The following LRRIQ3 variants were observed in gnomAD, a reference collection of about 807,000 sequenced individuals.
LRRIQ3 encodes leucine-rich repeat and IQ domain-containing protein 3.
A neutral mutation model predicts 59.3 loss-of-function variants in LRRIQ3; 75 were observed. That is an observed-to-expected ratio of 1.26 (90% CI 1.05 to 1.53). The LOEUF is 1.53. LRRIQ3 is among the 40% of genes most tolerant of loss of function. The pLI, the probability that LRRIQ3 is intolerant of heterozygous loss-of-function variation, is 0.00. For missense variants in LRRIQ3, 831 were observed against 710.0 expected (o/e 1.17, Z -1.94); for synonymous variants, 250 against 231.3 (o/e 1.08, Z -0.73).
chr1:74,062,709 A>G (rs1654758549), intron 6 of LRRIQ3, among the ~76,000 whole-genome samples: 1 of 152,146 alleles, frequency 6.6e-6, no homozygotes, highest in African/African-American at 2.4e-5. Context: ...GCTGTAGGCC[A>G]TTATCCTCAG....
chr1:74,181,069 C>G (rs945395862), intron 3 of LRRIQ3: 4 of 387,048 alleles, frequency 1.0e-5, no homozygotes, highest in African/African-American at 6.1e-5. Context: ...CCCAGACAGT[C>G]CTTTTCATAT....
At chr1:74,036,151 C>A (rs922692048) in intron 7 of LRRIQ3, among the ~76,000 whole-genome samples, 1 of 152,022 alleles carries the variant, frequency 6.6e-6, no homozygotes, top group Non-Finnish European at 1.5e-5. Flanking sequence ...AAATGCTGCC[C>A]CCAAATATGG....
chr1:74,031,932 G>A (rs1286910400), intron 7 of LRRIQ3, among the ~76,000 whole-genome samples: 1 of 151,718 alleles, frequency 6.6e-6, no homozygotes, highest in African/African-American at 2.4e-5. Context: ...ATAAAAGATA[G>A]GCAAGGTCTA....
chr1:74,172,160 T>A (rs985090059), intron 3 of LRRIQ3, among the ~76,000 whole-genome samples: 1 of 152,104 alleles, frequency 6.6e-6, no homozygotes, highest in Non-Finnish European at 1.5e-5. Context: ...GTTTGTTAAT[T>A]TTTCTAGTTC....
intron 6 of LRRIQ3, 71 bp from the exon 7 acceptor site, chr1:74,042,004 A>G: frequency 7.3e-7 from 1 of 1,370,488 alleles, no homozygotes; most frequent in Non-Finnish European, 9.5e-7. Context: ...CTCCAAATAT[A>G]TCAATAAACT....
chr1:74,143,054 A>G (rs1419626374), intron 4 of LRRIQ3, among the ~76,000 whole-genome samples: 1 of 152,016 alleles, frequency 6.6e-6, no homozygotes, highest in Non-Finnish European at 1.5e-5. Context: ...ACTAATATAA[A>G]CATCTATTTT....
chr1:74,067,313 A>G (rs927129739), intron 6 of LRRIQ3, among the ~76,000 whole-genome samples: 3 of 152,036 alleles, frequency 2.0e-5, no homozygotes, highest in African/African-American at 7.2e-5. Flanking sequence ...GGAAGTACAC[A>G]CTCTGTGAAC....
chr1:74,123,644 C>T lies in LRRIQ3; in HGVS notation c.708-14091G>A, dbSNP rs573467234. Among the ~76,000 whole-genome samples the T allele has an allele frequency of 9.9e-5, 15 of 152,126 alleles. No homozygotes were observed. In the South Asian group the frequency reaches 1.2e-3, roughly 13 times the overall value. On this transcript the variant is annotated intron_variant, in intron 4 of 7. Transcript: ENST00000354431. Reference sequence around the variant, plus strand: ...CAAATGACAGGATCTCATTCTTTTTCTGTGGCTGAATAGTATTTCATTGTG... The same window carrying T: ...CAAATGACAGGATCTCATTCTTTTTTTGTGGCTGAATAGTATTTCATTGTG...
At chr1:74,181,027 T>C (rs1649945309) in intron 3 of LRRIQ3, 1 of 476,468 alleles carries the variant, frequency 2.1e-6, no homozygotes, top group Non-Finnish European at 3.8e-6. Context: ...ACAAGAATTT[T>C]GTCAGTATTA....
At chr1:74,087,714 G>A (rs1219585917) in intron 5 of LRRIQ3, among the ~76,000 whole-genome samples, 1 of 152,030 alleles carries the variant, frequency 6.6e-6, no homozygotes. Context: ...TTAAGTATAT[G>A]AGCAAAACTG....
At chr1:74,100,046 G>T (rs1382550952) in intron 5 of LRRIQ3, among the ~76,000 whole-genome samples, 4 of 152,140 alleles carry the variant, frequency 2.6e-5, no homozygotes, top group Non-Finnish European at 4.4e-5. Flanking sequence ...AGTGTTGGAA[G>T]TTCTGGCCAG....
At chr1:74,033,636 A>G (rs1184162542) in intron 7 of LRRIQ3, among the ~76,000 whole-genome samples, 1 of 152,014 alleles carries the variant, frequency 6.6e-6, no homozygotes, top group African/African-American at 2.4e-5. Flanking sequence ...GTGTCCAAAA[A>G]TGTTGATATT....
chr1:74,118,821 A>T (rs1231244088), intron 4 of LRRIQ3, among the ~76,000 whole-genome samples: 2 of 152,140 alleles, frequency 1.3e-5, no homozygotes, highest in Non-Finnish European at 2.9e-5. Flanking sequence ...TCTCAATTCC[A>T]ACTCTGCAGT....
chr1:74,133,194 T>C (rs1412942735), intron 4 of LRRIQ3, among the ~76,000 whole-genome samples: 3 of 152,032 alleles, frequency 2.0e-5, no homozygotes, highest in African/African-American at 7.3e-5. Flanking sequence ...ATGGCAATCA[T>C]TAAAAAGTCA....
intron 7 of LRRIQ3, among the ~76,000 whole-genome samples, chr1:74,033,336 A>C (rs913949851): frequency 1.4e-4 from 21 of 151,984 alleles, no homozygotes; most frequent in Admixed American, 7.9e-4. Flanking sequence ...AATGGACAAA[A>C]TAATAATTGA....
At chr1:74,182,985 CA>C in intron 2 of LRRIQ3, 124 bp from the exon 3 acceptor site, 1 of 543,934 alleles carries the variant, frequency 1.8e-6, no homozygotes, top group Non-Finnish European at 3.1e-6. Context: ...AATTAATAAG[CA>C]AACAGAGTAT....
At chr1:74,157,364 G>A (rs187131295) in intron 3 of LRRIQ3, among the ~76,000 whole-genome samples, 2 of 152,076 alleles carry the variant, frequency 1.3e-5, no homozygotes, top group African/African-American at 4.8e-5. Context: ...GTCTAAGATT[G>A]GCACTCTATT....
At position 74,026,176 on chromosome 1, in the gene LRRIQ3, C is replaced by T. The variant is rs578113837; in HGVS notation, c.*637G>A. The T allele has an allele frequency of 1.3e-5, 2 of 151,988 alleles. No homozygotes were observed. The highest frequency in any genetic ancestry group is 4.1e-4 in the South Asian group (2 of 4,828). 9.4% of individuals were successfully genotyped at this position (151,988 alleles called of 1,614,324 possible). ...CTCTCCTCTGTCTTTTCCCTGTCTTCACATGTATACCAAACAGGGCAAACC... is the reference window on the plus strand; with the variant it reads ...CTCTCCTCTGTCTTTTCCCTGTCTTTACATGTATACCAAACAGGGCAAACC... On this transcript the variant is annotated 3_prime_UTR_variant, in exon 8 of 8. Coordinates refer to ENST00000354431, the MANE Select transcript of LRRIQ3 (RefSeq NM_001105659.2).
intron 6 of LRRIQ3, among the ~76,000 whole-genome samples, chr1:74,060,272 T>TCTCTTCCTCCTCCTC (rs1357956799): frequency 7.1e-6 from 1 of 141,066 alleles, no homozygotes; most frequent in African/African-American, 2.7e-5. Flanking sequence ...TCCTCTTCTT[T>TCTCTTCCTCCTCCTC]CTCTTCCTCC....
Sources: gnomAD v4.1 joint callset for allele counts (sites outside exome capture counted in the v4.1 genomes callset) on GRCh38, gnomAD v4.1.1 for gene constraint, MANE v1.5 for transcripts, NCBI Gene and HGNC (gene_info 2026-07-23, HGNC 2026-07-21) for gene names.